Variants in CPLANE1 observed in about 807,000 individuals in gnomAD.
The protein encoded by CPLANE1 is ciliogenesis and planar polarity effector complex subunit 1.
Under a neutral mutation model 362.5 loss-of-function variants are expected in CPLANE1, and 263 were observed. That is an observed-to-expected ratio of 0.73 (90% CI 0.66 to 0.80). CPLANE1 has a LOEUF of 0.80. Among genes scored for constraint, CPLANE1 ranks in the 30% least tolerant of loss-of-function variants. The probability of loss-of-function intolerance (pLI) is 0.00; values close to 1 mark genes in which losing one functional copy is unlikely to be tolerated. For missense variants in CPLANE1, 3,461 were observed against 3,793.4 expected (o/e 0.91, Z 2.30); for synonymous variants, 1,212 against 1,302.6 (o/e 0.93, Z 1.50).
At chr5:37,145,114 G>A (rs781100078) in intron 43 of CPLANE1, among the ~76,000 whole-genome samples, 6 of 152,086 alleles carry the variant, frequency 3.9e-5, no homozygotes, top group African/African-American at 7.2e-5. Flanking sequence ...GACCATCCTG[G>A]CCAACATGGT....
downstream of CPLANE1, among the ~76,000 whole-genome samples, chr5:37,105,535 T>C (rs1231728992): frequency 6.6e-6 from 1 of 152,162 alleles, no homozygotes; most frequent in Admixed American, 6.5e-5. Flanking sequence ...TAGACTTAAA[T>C]ATGAGACCTG....
intron 46 of CPLANE1, among the ~76,000 whole-genome samples, chr5:37,134,363 G>A (rs1216112458): frequency 6.6e-6 from 1 of 152,156 alleles, no homozygotes; most frequent in Non-Finnish European, 1.5e-5. Flanking sequence ...CTGATTCAAT[G>A]TTGAGGGGTT....
intron 19 of CPLANE1, among the ~76,000 whole-genome samples, chr5:37,200,270 C>G (rs932386894): frequency 6.6e-6 from 1 of 152,126 alleles, no homozygotes; most frequent in African/African-American, 2.4e-5. Context: ...TAGAAGAAAC[C>G]TTACCAAGGA....
chr5:37,212,410 C>T (rs903532485), intron 16 of CPLANE1: 21 of 759,496 alleles, frequency 2.8e-5, no homozygotes, highest in African/African-American at 6.9e-5. Context: ...TTCTAACTTA[C>T]ATACCATGAG....
chr5:37,187,522 T>C lies in CPLANE1; in HGVS notation c.3972A>G (p.Ala1324=). The C allele has an allele frequency of 3.1e-6, 5 of 1,613,588 alleles. No homozygotes were observed. Among genetic ancestry groups the C allele is most frequent in the Non-Finnish European group, 2.5e-6 (3 of 1,179,666 alleles). Residue 1324 remains alanine, a synonymous_variant, in exon 23 of 53, where the codon GCA becomes GCG. Transcript: ENST00000651892. ...DSCMIEHCLS[A]VEWAYRMLPF... is the part of the protein sequence containing the mutation. Reference sequence around the variant, plus strand: ...GCAGCATTCTATAAGCCCATTCCACTGCACTAAGACAGTGCTCAATCATAC... The same window carrying C: ...GCAGCATTCTATAAGCCCATTCCACCGCACTAAGACAGTGCTCAATCATAC...
chr5:37,171,642 C>T (rs2150973863), intron 32 of CPLANE1, among the ~76,000 whole-genome samples: 1 of 152,204 alleles, frequency 6.6e-6, no homozygotes, highest in South Asian at 2.1e-4. Flanking sequence ...TAAATACACA[C>T]AGGAAAAAAC....
chr5:37,232,411 G>A lies in CPLANE1; in HGVS notation c.939-1362C>T, dbSNP rs566135002. Among the ~76,000 whole-genome samples, 150 of 151,786 alleles carry A rather than the reference G, an allele frequency of 9.9e-4. 1 individual carries two copies. The highest frequency in any genetic ancestry group is 3.5e-3 in the African/African-American group (146 of 41,344). On this transcript the variant is annotated intron_variant, in intron 8 of 52. Coordinates refer to ENST00000651892, the MANE Select transcript of CPLANE1 (RefSeq NM_001384732.1). ...TGGGCACCTGTAATCCCAGCTACTC[G>A]GGAGGCTGAGGCAGAGAAGTGCTTG...
chr5:37,183,210 G>C lies in CPLANE1; in HGVS notation c.4971C>G (p.Ile1657Met), dbSNP rs767435113. The C allele has an allele frequency of 5.6e-6, 9 of 1,611,176 alleles. No individual in the cohort carries two copies. The highest frequency in any genetic ancestry group is 2.5e-6 in the Non-Finnish European group (3 of 1,179,110). Residue 1657 changes from isoleucine (I) to methionine (M), a missense_variant, in exon 26 of 53, where the codon ATC becomes ATG. Ile to Met is a conservative substitution (Grantham distance 10). This residue lies in a region of CPLANE1 where 3,380 missense variants were observed against 3,666.1 expected (regional missense o/e 0.92). Coordinates refer to ENST00000651892, the MANE Select transcript of CPLANE1 (RefSeq NM_001384732.1). ...LSSSVLVNQG[I>M]KPFLQYPSNE... ...TCGAAGGATATTGTAAAAAAGGTTT[G>C]ATCCCTTGATTAACCAGTACTGATG...
intron 42 of CPLANE1, among the ~76,000 whole-genome samples, chr5:37,148,541 G>T (rs769295355): frequency 6.6e-6 from 1 of 152,084 alleles, no homozygotes; most frequent in African/African-American, 2.4e-5. Flanking sequence ...AGACAAATTC[G>T]TATTAAAGAT....
Position 37,244,607 on chromosome 5 carries a change from G to T in CPLANE1, c.338C>A (p.Ala113Glu), listed in dbSNP as rs534807606. 7.3e-5 allele frequency: 110 copies of T among 1,512,928 alleles called. No homozygotes were observed. In the African/African-American group the frequency reaches 1.4e-3, roughly 19 times the overall value. 93.7% of individuals were successfully genotyped at this position (1,512,928 alleles called of 1,614,324 possible). The change falls in exon 5 of 53, where the codon GCA becomes GAA. Residue 113 changes from alanine to glutamate, a missense_variant and splice_region_variant. Transcript: ENST00000651892. ...ATACAAGTACAGTCTCAAAGAGCTT[G>T]CTAAAAAAGTAACAAAAAAAGTAAT... ...KPKEMIKATV[A>E]SSLRLYLYVS... is the part of the protein sequence containing the mutation.
chr5:37,158,601 A>G (rs1775858848), intron 38 of CPLANE1, among the ~76,000 whole-genome samples: 2 of 152,194 alleles, frequency 1.3e-5, no homozygotes, highest in East Asian at 1.9e-4. Context: ...AAGTAACTAA[A>G]TTACATCAAG....
Position 37,221,359 on chromosome 5 carries a change from G to A in CPLANE1, c.2711C>T (p.Ser904Phe). 6.6e-7 allele frequency: 1 copy of A among 1,512,256 alleles called. No individual in the cohort carries two copies. 93.7% of individuals were successfully genotyped at this position (1,512,256 alleles called of 1,614,324 possible). Residue 904 changes from serine (S) to phenylalanine (F), a missense_variant, in exon 15 of 53, where the codon TCC becomes TTC. Ser to Phe is a radical substitution (Grantham distance 155). This residue lies in a region of CPLANE1 where 3,380 missense variants were observed against 3,666.1 expected (regional missense o/e 0.92). Transcript: ENST00000651892. ...DQLAREILRW[S>F]QLPVKENKDF... ...TTTATTTTCTTTTACAGGTAGTTGG[G>A]ACCATCTCAGGATTTCTCTTGCTAG...
chr5:37,114,848 G>T (rs1054544857), intron 51 of CPLANE1, 112 bp downstream of exon 51: 1 of 623,430 alleles, frequency 1.6e-6, no homozygotes. Flanking sequence ...ACAGTGAGCC[G>T]ACATTGCACC....
At chr5:37,198,283 A>C (rs1306405171) in intron 20 of CPLANE1, among the ~76,000 whole-genome samples, 1 of 152,192 alleles carries the variant, frequency 6.6e-6, no homozygotes, top group Non-Finnish European at 1.5e-5. Flanking sequence ...GACCCTGACT[A>C]GTGGAGGCTA....
intron 21 of CPLANE1, among the ~76,000 whole-genome samples, chr5:37,190,942 C>T (rs199551722): frequency 2.0e-5 from 3 of 152,240 alleles, no homozygotes; most frequent in East Asian, 1.9e-4. Context: ...ATTTACTATA[C>T]TATGCTTTTT....
At position 37,187,464 on chromosome 5, in the gene CPLANE1, T is replaced by A; in HGVS notation, c.4030A>T (p.Ile1344Phe). ...ATAAGGCTCAAAATTATATCCTGAA[T>A]AAGTTCTTCCATATTAAAAAACCGA... ...FSRFFNMEEL[I>F]QDIILSLIGE... Residue 1344 changes from isoleucine (I) to phenylalanine (F), a missense_variant, in exon 23 of 53, where the codon ATT (isoleucine) becomes TTT (phenylalanine). Around this residue, in one of 2 missense-constraint regions of CPLANE1, gnomAD observed 3,380 missense variants for 3,666.1 expected, o/e 0.92. Transcript: ENST00000651892. 6.2e-7 allele frequency: 1 copy of A among 1,613,874 alleles called. No homozygotes were observed. The highest frequency in any genetic ancestry group is 2.2e-5 in the East Asian group (1 of 44,860).
At chr5:37,097,093 A>T in the CPLANE1 span, among the ~76,000 whole-genome samples, 2 of 152,188 alleles carry the variant, frequency 1.3e-5, no homozygotes, top group African/African-American at 4.8e-5. Flanking sequence ...TCATGCCTAT[A>T]ATCTCAGCAC....
chr5:37,170,527 T>C (rs1779499670), intron 32 of CPLANE1, among the ~76,000 whole-genome samples, 196 bp from the exon 33 acceptor site: 1 of 152,080 alleles, frequency 6.6e-6, no homozygotes, highest in Admixed American at 6.6e-5. Context: ...GATAACTTCC[T>C]GTCAACCAGG....
chr5:37,095,427 C>T, the CPLANE1 span, among the ~76,000 whole-genome samples: 3 of 152,166 alleles, frequency 2.0e-5, no homozygotes, highest in African/African-American at 7.2e-5. Context: ...ATACAAGGGA[C>T]ATACCTCAAT....
Sources: allele counts gnomAD v4.1 joint callset (sites outside exome capture counted in the v4.1 genomes callset), GRCh38; gene constraint gnomAD v4.1.1; regional missense constraint gnomAD v4.1.1; transcripts MANE v1.5; gene names NCBI Gene and HGNC (gene_info 2026-07-23, HGNC 2026-07-21).